Variants in SMAD3 observed in about 807,000 individuals in gnomAD.
The protein encoded by SMAD3 is SMAD family member 3, also known as MAD homolog 3.
In SMAD3, 12 loss-of-function variants were observed where a neutral mutation model predicts 51.8. That is an observed-to-expected ratio of 0.23 (90% confidence interval 0.15 to 0.38). SMAD3 has a LOEUF of 0.38. SMAD3 is among the 10% of genes least tolerant of loss of function. The probability of loss-of-function intolerance (pLI) is 1.00; values close to 1 mark genes in which losing one functional copy is unlikely to be tolerated. For missense variants in SMAD3, 294 were observed against 565.6 expected (o/e 0.52, Z 4.87); for synonymous variants, 238 against 227.7 (o/e 1.05, Z -0.41).
At position 67,165,088 on chromosome 15, in the gene SMAD3, G is replaced by A; in HGVS notation, c.400G>A (p.Val134Ile). ...PYHYQRVETP[V>I]LPPVLVPRHT... ...CCACTACCAGAGAGTAGAGACACCA[G>A]GTATGCTGCCTGGCCTGCCTGTGGG... The change falls in exon 2 of 9, where the codon GTT becomes ATT. Residue 134 changes from valine to isoleucine, a missense_variant and splice_region_variant. Physicochemically the swap from Val to Ile is conservative, Grantham distance 29. Around this residue, in one of 3 missense-constraint regions of SMAD3, gnomAD observed 147 missense variants for 260.9 expected, o/e 0.56. Coordinates refer to ENST00000327367, the MANE Select transcript of SMAD3 (RefSeq NM_005902.4). 1.2e-6 allele frequency: 2 copies of A among 1,614,176 alleles called. No individual in the cohort carries two copies. Among genetic ancestry groups the A allele is most frequent in the Non-Finnish European group, 1.7e-6 (2 of 1,180,024 alleles).
chr15:67,194,537 T>C lies in SMAD3; in HGVS notation c.*4001T>C, dbSNP rs2140334764. 4.3e-6 allele frequency: 1 copy of C among 232,868 alleles called. No individual in the cohort carries two copies. The highest frequency in any genetic ancestry group is 2.2e-5 in the African/African-American group (1 of 45,460). The allele number at this position is 232,868 out of a possible 1,614,324, so 14.4% of individuals were successfully genotyped here. ...AGAAGTAATGTATACTCTAGTATTC[T>C]GGTGTTTTTATATTTATGTAATAAT... On this transcript the variant is annotated 3_prime_UTR_variant, in exon 9 of 9. Transcript: ENST00000327367.
At chr15:67,095,314 C>T (rs1022901702) in intron 1 of SMAD3, among the ~76,000 whole-genome samples, 4 of 152,006 alleles carry the variant, frequency 2.6e-5, no homozygotes, top group South Asian at 2.1e-4. Context: ...ATCCTTTGGC[C>T]GTCATATCTG....
intron 1 of SMAD3, among the ~76,000 whole-genome samples, chr15:67,156,138 T>C (rs1450461444): frequency 2.0e-5 from 3 of 152,150 alleles, no homozygotes; most frequent in Non-Finnish European, 4.4e-5. Context: ...TGGGAACATG[T>C]GTGTATGTAC....
chr15:67,069,612 G>A (rs1175602429), intron 1 of SMAD3, among the ~76,000 whole-genome samples: 3 of 152,022 alleles, frequency 2.0e-5, no homozygotes, highest in African/African-American at 7.3e-5. Context: ...AGGGAATTTG[G>A]GCTTTCTTGT....
At chr15:67,164,022 A>G (rs1443552715) in intron 1 of SMAD3, among the ~76,000 whole-genome samples, 1 of 151,860 alleles carries the variant, frequency 6.6e-6, no homozygotes, top group Non-Finnish European at 1.5e-5. Flanking sequence ...ACTAAAAAAG[A>G]AAGGAGGGGC....
At position 67,152,026 on chromosome 15, in the gene SMAD3, A is replaced by G. The variant is rs571905466; in HGVS notation, c.207-12869A>G. On this transcript the variant is annotated intron_variant, in intron 1 of 8. Transcript: ENST00000327367. ...ATGATTGCTAGATATTTGAAGCTATATAATATATTATTGTTAAGTATAATC... is the reference window on the plus strand; with the variant it reads ...ATGATTGCTAGATATTTGAAGCTATGTAATATATTATTGTTAAGTATAATC... Among the ~76,000 whole-genome samples the G allele has an allele frequency of 7.9e-5, 12 of 152,296 alleles. No individual in the cohort carries two copies. The South Asian group carries it at 8.3e-4, about 11-fold the overall frequency.
At chr15:67,085,710 G>A (rs576988948) in intron 1 of SMAD3, among the ~76,000 whole-genome samples, 20 of 152,288 alleles carry the variant, frequency 1.3e-4, no homozygotes, top group South Asian at 6.2e-4. Context: ...TCTACAGGCC[G>A]GCCTGGGGAA....
At chr15:67,182,076 C>T (rs1354086669) in intron 6 of SMAD3, among the ~76,000 whole-genome samples, 5 of 152,178 alleles carry the variant, frequency 3.3e-5, no homozygotes, top group Admixed American at 1.3e-4. Context: ...CGTGAGCCAC[C>T]GTGCCTGGCT....
intron 1 of SMAD3, among the ~76,000 whole-genome samples, chr15:67,083,785 A>G (rs760603292): frequency 6.6e-6 from 1 of 152,192 alleles, no homozygotes; most frequent in Non-Finnish European, 1.5e-5. Context: ...CTCCTCACAC[A>G]ACCTACTCTG....
At chr15:67,144,350 G>A (rs1269094540) in intron 1 of SMAD3, among the ~76,000 whole-genome samples, 2 of 151,956 alleles carry the variant, frequency 1.3e-5, no homozygotes, top group African/African-American at 2.4e-5. Flanking sequence ...GTGGTTGGGT[G>A]ATATTTCTTT....
intron 5 of SMAD3, among the ~76,000 whole-genome samples, chr15:67,180,413 A>C (rs944793449): frequency 1.3e-5 from 2 of 151,878 alleles, no homozygotes; most frequent in Non-Finnish European, 2.9e-5. Flanking sequence ...TCTTCTGAGA[A>C]AGAGAACCAG....
Position 67,178,411 on chromosome 15 carries a change from A to G in SMAD3, c.659-2830A>G, listed in dbSNP as rs566367548. The stretch of plus-strand genomic sequence containing the variant: ...GTGAGGACCCTGTTCTGTTCTACAC[A>G]TTGCTGAGTAAGTCAGGGCCAGTCA... On this transcript the variant is annotated intron_variant, in intron 5 of 8. Coordinates refer to ENST00000327367, the MANE Select transcript of SMAD3 (RefSeq NM_005902.4). Among the ~76,000 whole-genome samples, 27 of 152,212 alleles carry G rather than the reference A, an allele frequency of 1.8e-4. No homozygotes were observed. The South Asian group carries it at 5.4e-3, about 30-fold the overall frequency.
intron 1 of SMAD3, among the ~76,000 whole-genome samples, chr15:67,073,641 C>T (rs1960104905): frequency 1.3e-5 from 2 of 151,642 alleles, no homozygotes; most frequent in African/African-American, 4.8e-5. Context: ...GCCTTTCTAA[C>T]TTGGAATTGG....
chr15:67,146,560 G>C (rs1043020689), intron 1 of SMAD3, among the ~76,000 whole-genome samples: 2 of 152,148 alleles, frequency 1.3e-5, no homozygotes, highest in African/African-American at 4.8e-5. Context: ...GTGTGTTCGG[G>C]GATGGGGAGC....
At chr15:67,187,278 G>A in intron 7 of SMAD3, 87 bp from the exon 8 acceptor site, 2 of 1,514,714 alleles carry the variant, frequency 1.3e-6, no homozygotes, top group Non-Finnish European at 9.2e-7. Context: ...GGCTGGTCTA[G>A]GGGGTCCAGG....
chr15:67,092,351 T>G (rs949464474), intron 1 of SMAD3, among the ~76,000 whole-genome samples: 2 of 152,238 alleles, frequency 1.3e-5, no homozygotes, highest in Admixed American at 1.3e-4. Context: ...ATCAAGTAGA[T>G]GAACCGCATT....
rs780848724 is a variant in SMAD3 at position 67,190,565 on chromosome 15, G to A, written c.*29G>A. ...CATCAAGTATGGTAGGGGAGGGCAGGCTTGGGGAAAATGGCCATGCAGGAG... is the reference window on the plus strand; with the variant it reads ...CATCAAGTATGGTAGGGGAGGGCAGACTTGGGGAAAATGGCCATGCAGGAG... On this transcript the variant is annotated 3_prime_UTR_variant, in exon 9 of 9. Transcript: ENST00000327367. 1.9e-6 allele frequency: 3 copies of A among 1,612,468 alleles called. No individual in the cohort carries two copies. The highest frequency in any genetic ancestry group is 1.3e-5 in the African/African-American group (1 of 74,892).
At chr15:67,173,634 G>A (rs1488395947) in intron 5 of SMAD3, among the ~76,000 whole-genome samples, 4 of 152,148 alleles carry the variant, frequency 2.6e-5, no homozygotes, top group African/African-American at 9.7e-5. Flanking sequence ...AAAGTTGTTT[G>A]TGGGTTTTGA....
intron 1 of SMAD3, among the ~76,000 whole-genome samples, chr15:67,075,614 C>T (rs1960149913): frequency 6.6e-6 from 1 of 152,152 alleles, no homozygotes; most frequent in Admixed American, 6.6e-5. Context: ...CTACCTACTT[C>T]ATAGAAATCA....
Sources: gnomAD v4.1 joint callset for allele counts (sites outside exome capture counted in the v4.1 genomes callset) on GRCh38, gnomAD v4.1.1 for gene constraint, gnomAD v4.1.1 regional missense constraint, MANE v1.5 for transcripts, NCBI Gene and HGNC (gene_info 2026-07-23, HGNC 2026-07-21) for gene names.